Variants in ADARB2 observed in about 807,000 individuals in gnomAD.
ADARB2 encodes the protein inactive double-stranded RNA-specific editase B2.
In ADARB2, 25 loss-of-function variants were observed where a neutral mutation model predicts 62.2. The ratio of observed to expected loss-of-function variants is 0.40; its 90% CI spans 0.29 to 0.56. The LOEUF is 0.56. ADARB2 is among the 20% of genes least tolerant of loss of function. The pLI, the probability that ADARB2 is intolerant of heterozygous loss-of-function variation, is 0.43. For synonymous variants in ADARB2, 572 were observed against 500.8 expected (o/e 1.14, Z -1.90); for missense variants, 1,071 against 1,077.4 (o/e 0.99, Z 0.08).
At chr10:1,320,491 A>G (rs1447893539) in intron 3 of ADARB2, among the ~76,000 whole-genome samples, 1 of 152,214 alleles carries the variant, frequency 6.6e-6, no homozygotes, top group African/African-American at 2.4e-5. Flanking sequence ...GTCTTAGGGT[A>G]TCTCCTTGGT....
chr10:1,404,943 G>A (rs968291706), intron 1 of ADARB2, among the ~76,000 whole-genome samples: 13 of 152,224 alleles, frequency 8.5e-5, no homozygotes, highest in Non-Finnish European at 1.3e-4. Context: ...GCTTGTTAAA[G>A]CAGCAGGACC....
At chr10:1,336,552 G>C (rs1252914962) in intron 3 of ADARB2, among the ~76,000 whole-genome samples, 2 of 152,114 alleles carry the variant, frequency 1.3e-5, no homozygotes, top group Non-Finnish European at 2.9e-5. Context: ...AGCCATGGGA[G>C]GAAAATGAAG....
chr10:1,519,725 C>T (rs1832050330), intron 1 of ADARB2, among the ~76,000 whole-genome samples: 1 of 152,178 alleles, frequency 6.6e-6, no homozygotes, highest in African/African-American at 2.4e-5. Flanking sequence ...GGCCATGGCA[C>T]AGTTAGCAAA....
At chr10:1,565,416 G>A (rs757095444) in intron 1 of ADARB2, among the ~76,000 whole-genome samples, 3 of 152,026 alleles carry the variant, frequency 2.0e-5, no homozygotes, top group Non-Finnish European at 1.5e-5. Context: ...CTCTAAGCAC[G>A]CTGTCTTCTC....
At chr10:1,552,866 C>A (rs1832647126) in intron 1 of ADARB2, among the ~76,000 whole-genome samples, 1 of 152,178 alleles carries the variant, frequency 6.6e-6, no homozygotes, top group South Asian at 2.1e-4. Context: ...TTTTATTGGC[C>A]TAGATTTTCT....
chr10:1,389,811 C>T (rs867511604), intron 1 of ADARB2, among the ~76,000 whole-genome samples: 23 of 151,770 alleles, frequency 1.5e-4, no homozygotes, highest in Non-Finnish European at 2.5e-4. Context: ...AGGCTGACGG[C>T]GCTACATGTT....
At chr10:1,659,820 T>A (rs1269004645) in intron 1 of ADARB2, among the ~76,000 whole-genome samples, 3 of 149,278 alleles carry the variant, frequency 2.0e-5, no homozygotes, top group African/African-American at 7.3e-5. Flanking sequence ...TTGCCTGCCC[T>A]GCCTGGGCGA....
intron 1 of ADARB2, among the ~76,000 whole-genome samples, chr10:1,515,031 T>A (rs1831991712): frequency 6.6e-6 from 1 of 152,222 alleles, no homozygotes; most frequent in Non-Finnish European, 1.5e-5. Flanking sequence ...TGGAAGGCCT[T>A]TGTTTTATAG....
At chr10:1,388,167 T>A (rs925787563) in intron 1 of ADARB2, among the ~76,000 whole-genome samples, 1 of 152,144 alleles carries the variant, frequency 6.6e-6, no homozygotes, top group African/African-American at 2.4e-5. Context: ...TCCTAATTTA[T>A]CTATAGATAC....
chr10:1,360,250 C>T (rs1832240074), intron 3 of ADARB2, among the ~76,000 whole-genome samples: 1 of 152,246 alleles, frequency 6.6e-6, no homozygotes, highest in Non-Finnish European at 1.5e-5. Context: ...GGCCTTTCCC[C>T]CCAGCCCCAG....
At chr10:1,606,032 T>G (rs965720200) in intron 1 of ADARB2, among the ~76,000 whole-genome samples, 2 of 152,248 alleles carry the variant, frequency 1.3e-5, no homozygotes, top group Admixed American at 1.3e-4. Context: ...TGATTTAGTT[T>G]AAAGGATGGC....
At chr10:1,508,821 T>C (rs1174184481) in intron 1 of ADARB2, among the ~76,000 whole-genome samples, 1 of 152,188 alleles carries the variant, frequency 6.6e-6, no homozygotes, top group African/African-American at 2.4e-5. Flanking sequence ...GCTTATTCTG[T>C]CAGTCCCTAA....
At chr10:1,214,785 G>A (rs1204086504) in intron 7 of ADARB2, among the ~76,000 whole-genome samples, 2 of 152,266 alleles carry the variant, frequency 1.3e-5, no homozygotes, top group African/African-American at 2.4e-5. Flanking sequence ...TGTAAAGGAA[G>A]AATACATTTT....
At chr10:1,202,399 G>A (rs1364895814) in intron 7 of ADARB2, among the ~76,000 whole-genome samples, 1 of 152,084 alleles carries the variant, frequency 6.6e-6, no homozygotes, top group African/African-American at 2.4e-5. Flanking sequence ...GGCTGGTCTC[G>A]AACTCCTGGG....
chr10:1,592,110 A>G (rs527934748), intron 1 of ADARB2, among the ~76,000 whole-genome samples: 2 of 152,344 alleles, frequency 1.3e-5, no homozygotes, highest in Admixed American at 1.3e-4. Flanking sequence ...TTGTTTAGGA[A>G]GGTTTGGAAG....
intron 1 of ADARB2, among the ~76,000 whole-genome samples, chr10:1,528,947 C>T (rs191041359): frequency 1.1e-4 from 17 of 152,192 alleles, no homozygotes; most frequent in Non-Finnish European, 1.0e-4. Context: ...TAGGTTCCCA[C>T]GGTTCTCTCT....
chr10:1,555,436 A>C (rs1832684926), intron 1 of ADARB2, among the ~76,000 whole-genome samples: 1 of 152,218 alleles, frequency 6.6e-6, no homozygotes, highest in Non-Finnish European at 1.5e-5. Flanking sequence ...TTTGAAGCTC[A>C]ATCATCCTTC....
chr10:1,220,869 C>T (rs983709687), intron 6 of ADARB2, among the ~76,000 whole-genome samples: 1 of 152,164 alleles, frequency 6.6e-6, no homozygotes, highest in Non-Finnish European at 1.5e-5. Context: ...ACAGCTAGTT[C>T]CTAGGAGTTA....
At chr10:1,658,647 C>T (rs550560149) in intron 1 of ADARB2, among the ~76,000 whole-genome samples, 14 of 152,248 alleles carry the variant, frequency 9.2e-5, no homozygotes, top group South Asian at 4.1e-4. Flanking sequence ...GCCTCTGTCA[C>T]GACAGCCCTT....
Sources: allele counts gnomAD v4.1 joint callset (sites outside exome capture counted in the v4.1 genomes callset), GRCh38; gene constraint gnomAD v4.1.1; transcripts MANE v1.5; gene names NCBI Gene and HGNC (gene_info 2026-07-23, HGNC 2026-07-21).